ITK: variants seen among roughly 807,000 people sequenced by gnomAD.
ITK encodes the protein IL2 inducible T cell kinase.
ITK carries 45 observed loss-of-function variants against 87.6 expected under a neutral mutation model. That is an observed-to-expected ratio of 0.51 (90% CI 0.40 to 0.66). ITK has a LOEUF of 0.66. Ranked by LOEUF, ITK falls within the 30% of genes least tolerant of loss-of-function variation. ITK has a pLI of 0.00. For synonymous variants in ITK, 303 were observed against 273.6 expected, an observed-to-expected ratio of 1.11 and a Z score of -1.06; for missense variants, 605 against 766.3, an observed-to-expected ratio of 0.79 and a Z score of 2.48.
rs763213676 is a variant in ITK, at chr5:157,245,918, A to T, written c.1552A>T (p.Thr518Ser). 1 of 1,614,136 alleles carries T rather than the reference A, an allele frequency of 6.2e-7. No homozygotes were observed. Among genetic ancestry groups the T allele is most frequent in the Admixed American group, 1.7e-5 (1 of 60,022 alleles). ...TGATCAGTACACCAGTTCCACAGGCACCAAATTCCCGGTGAAGTGGGCATC... is the reference window on the plus strand; with the variant it reads ...TGATCAGTACACCAGTTCCACAGGCTCCAAATTCCCGGTGAAGTGGGCATC... ...LDDQYTSSTG[T>S]KFPVKWASPE... The change falls in exon 15 of 17, where the codon ACC becomes TCC. Residue 518 changes from threonine to serine, a missense_variant. Physicochemically the swap from Thr to Ser is moderately conservative, Grantham distance 58. Transcript: ENST00000422843.
intron 1 of ITK, among the ~76,000 whole-genome samples, chr5:157,206,520 CT>C (rs990579192): frequency 6.6e-6 from 1 of 151,942 alleles, no homozygotes; most frequent in Non-Finnish European, 1.5e-5. Context: ...TGGTCCCAGG[CT>C]TTTTTTGGGT....
In ITK at chr5:157,252,941, T is replaced by C. The variant is rs1039326849; in HGVS notation, c.*263T>C. On this transcript the variant is annotated 3_prime_UTR_variant, in exon 17 of 17. Coordinates refer to ENST00000422843, the MANE Select transcript of ITK (RefSeq NM_005546.4). ...GCCCTTCCTCTAGCCTCTTGTCACATGTGGTGCACAAACCTCAACCTGACA... is the reference window on the plus strand; with the variant it reads ...GCCCTTCCTCTAGCCTCTTGTCACACGTGGTGCACAAACCTCAACCTGACA... The C allele has an allele frequency of 2.1e-5, 11 of 530,478 alleles. No individual in the cohort carries two copies. Among genetic ancestry groups the C allele is most frequent in the Non-Finnish European group, 3.4e-5 (10 of 291,024 alleles). 32.9% of individuals were successfully genotyped at this position (530,478 alleles called of 1,614,324 possible).
chr5:157,244,373 C>T lies in ITK; in HGVS notation c.1344C>T (p.Arg448=). 6.2e-7 allele frequency: 1 copy of T among 1,614,026 alleles called. No homozygotes were observed. The highest frequency in any genetic ancestry group is 1.1e-5 in the South Asian group (1 of 91,076). Residue 448 remains arginine, a synonymous_variant, in exon 13 of 17, where the codon CGC becomes CGT. Coordinates refer to ENST00000422843, the MANE Select transcript of ITK (RefSeq NM_005546.4). ...ACGGCTGCCTGTCAGATTATCTACG[C>T]ACCCAGCGGGGACTTTTTGCTGCAG... The part of the protein sequence containing the change: ...MEHGCLSDYL[R]TQRGLFAAET...
rs755534838 is a variant in ITK, at chr5:157,245,801, G to A, written c.1514+11G>A. ...CTTTGGGATGACAAGGTAAAAGAGG[G>A]ATGTGGTGCCGGTGAAGTCTCAGGA... On this transcript the variant is annotated intron_variant, in intron 14 of 16. Coordinates refer to ENST00000422843, the MANE Select transcript of ITK (RefSeq NM_005546.4). The A allele has an allele frequency of 1.2e-6, 2 of 1,613,894 alleles. No homozygotes were observed. The highest frequency in any genetic ancestry group is 2.2e-5 in the South Asian group (2 of 91,076).
intron 1 of ITK, among the ~76,000 whole-genome samples, chr5:157,188,366 C>A (rs895527228): frequency 6.6e-6 from 1 of 152,190 alleles, no homozygotes; most frequent in African/African-American, 2.4e-5. Context: ...CAAGACCCTT[C>A]ATCCTGTGGT....
intron 16 of ITK, among the ~76,000 whole-genome samples, chr5:157,250,109 T>C (rs1341911257): frequency 6.6e-6 from 1 of 152,228 alleles, no homozygotes; most frequent in East Asian, 1.9e-4. Context: ...TAAGGTTCAG[T>C]CTTTGTGCTG....
In ITK at chr5:157,244,271, T is replaced by C. The variant is rs555237643; in HGVS notation, c.1242T>C (p.Ser414=). Residue 414 remains serine, a synonymous_variant, in exon 13 of 17, where the codon TCT becomes TCC. Transcript: ENST00000422843. ...IEEAEVMMKL[S]HPKLVQLYGV... ...TGTCTTTTTCCTCCAGGAAACTCTC[T>C]CATCCCAAACTGGTGCAGCTGTATG... is the stretch of plus-strand genomic sequence containing the variant. 6.2e-7 allele frequency: 1 copy of C among 1,614,186 alleles called. No individual in the cohort carries two copies. Among genetic ancestry groups the C allele is most frequent in the African/African-American group, 1.3e-5 (1 of 75,058 alleles).
At chr5:157,226,789 T>C (rs1754540164) in intron 6 of ITK, among the ~76,000 whole-genome samples, 1 of 150,354 alleles carries the variant, frequency 6.7e-6, no homozygotes, top group Admixed American at 6.7e-5. Flanking sequence ...GGCATCTTTT[T>C]TTGTTTTGTT....
rs758301075 is a variant in ITK, at chr5:157,228,391, A to T, written c.713+30A>T. 4.5e-6 allele frequency: 6 copies of T among 1,321,146 alleles called. 1 individual carries two copies. In the South Asian group the frequency reaches 7.1e-5, roughly 16 times the overall value. 81.8% of individuals were successfully genotyped at this position (1,321,146 alleles called of 1,614,324 possible). A position where few individuals can be genotyped will look rare whatever the true frequency, so the allele number is the denominator to read the frequency against. On this transcript the variant is annotated intron_variant, in intron 7 of 16. Coordinates refer to ENST00000422843, the MANE Select transcript of ITK (RefSeq NM_005546.4). ...GATATTTTATTTGTTTTTGGAAAAT[A>T]CAGTCCTAAGGAATCCTCCTTAAGT...
At chr5:157,207,377 CTTTTTTTTTTT>C (rs536290068) in intron 1 of ITK, among the ~76,000 whole-genome samples, 3 of 59,124 alleles carry the variant, frequency 5.1e-5, no homozygotes, top group Admixed American at 2.5e-4. Flanking sequence ...AGATACGTCT[CTTTTTTTTTTT>C]TTTTTTTTTT....
intron 4 of ITK, among the ~76,000 whole-genome samples, chr5:157,216,767 C>T (rs1754306459): frequency 2.0e-5 from 3 of 152,106 alleles, no homozygotes; most frequent in African/African-American, 7.2e-5. Context: ...TCTCCCAGCT[C>T]CAAGTTGAGT....
intron 15 of ITK, among the ~76,000 whole-genome samples, chr5:157,247,702 G>A (rs1393148359): frequency 6.6e-6 from 1 of 152,142 alleles, no homozygotes; most frequent in Non-Finnish European, 1.5e-5. Context: ...AAAAAACTGG[G>A]GGTACCAGCC....
At chr5:157,236,417 T>C (rs1279257432) in intron 8 of ITK, among the ~76,000 whole-genome samples, 2 of 152,078 alleles carry the variant, frequency 1.3e-5, no homozygotes, top group East Asian at 3.9e-4. Flanking sequence ...ATTCTGGAAT[T>C]CAAACAAATA....
chr5:157,233,184 GAGT>G (rs1424924596), intron 8 of ITK, among the ~76,000 whole-genome samples: 3 of 152,124 alleles, frequency 2.0e-5, no homozygotes, highest in African/African-American at 7.2e-5. Flanking sequence ...GTTTCTCAGT[GAGT>G]AGAAGGGCAG....
chr5:157,254,380 G>A lies in ITK; in HGVS notation c.*1702G>A, dbSNP rs1484883800. ...ATGTTGCTTGAAGCCATTTATAGAC[G>A]AGCTTCAAAGCAACTTTAAAAGATT... On this transcript the variant is annotated 3_prime_UTR_variant, in exon 17 of 17. Transcript: ENST00000422843. 3 of 222,920 alleles carry A rather than the reference G, an allele frequency of 1.3e-5. No homozygotes were observed. Among genetic ancestry groups the A allele is most frequent in the Non-Finnish European group, 1.8e-5 (2 of 111,736 alleles). 13.8% of individuals were successfully genotyped at this position (222,920 alleles called of 1,614,324 possible). A position where few individuals can be genotyped will look rare whatever the true frequency, so the allele number is the denominator to read the frequency against.
At chr5:157,206,908 T>C (rs535097818) in intron 1 of ITK, among the ~76,000 whole-genome samples, 1 of 152,190 alleles carries the variant, frequency 6.6e-6, no homozygotes, top group African/African-American at 2.4e-5. Flanking sequence ...ATTTTGGTTA[T>C]TTCTTTTCCT....
chr5:157,224,761 A>G (rs1754498140), intron 6 of ITK, among the ~76,000 whole-genome samples: 1 of 152,128 alleles, frequency 6.6e-6, no homozygotes, highest in South Asian at 2.1e-4. Context: ...AGCCTGGGAG[A>G]CAGAATGAGA....
At chr5:157,241,765 T>G in intron 11 of ITK, 45 bp downstream of exon 11, 1 of 1,451,726 alleles carries the variant, frequency 6.9e-7, no homozygotes, top group Non-Finnish European at 9.7e-7. Context: ...CCTAAAGGTC[T>G]GGGGCAAATT....
At chr5:157,187,325 T>G (rs1012930854) in intron 1 of ITK, among the ~76,000 whole-genome samples, 1 of 152,228 alleles carries the variant, frequency 6.6e-6, no homozygotes, top group African/African-American at 2.4e-5. Flanking sequence ...CTTGCCAGTG[T>G]CTACAAGAGT....
Sources: gnomAD v4.1 joint callset for allele counts (sites outside exome capture counted in the v4.1 genomes callset) on GRCh38, gnomAD v4.1.1 for gene constraint, MANE v1.5 for transcripts, NCBI Gene and HGNC (gene_info 2026-07-23, HGNC 2026-07-21) for gene names.